RALGAPB: variants seen among roughly 807,000 people sequenced by gnomAD.
The protein encoded by RALGAPB is Ral GTPase activating protein non-catalytic subunit beta.
RALGAPB carries 25 observed loss-of-function variants against 161.1 expected under a neutral mutation model. The ratio of observed to expected loss-of-function variants is 0.16; its 90% CI spans 0.11 to 0.22. The LOEUF (loss-of-function observed/expected upper bound fraction) is 0.22, where lower values mean the gene tolerates loss of function less well. Among genes scored for constraint, RALGAPB ranks in the 10% least tolerant of loss-of-function variants. The probability of loss-of-function intolerance (pLI) is 1.00; values close to 1 mark genes in which losing one functional copy is unlikely to be tolerated. For missense variants in RALGAPB, 1,391 were observed against 1,815.2 expected (o/e 0.77, Z 4.25); for synonymous variants, 629 against 626.1 (o/e 1.00, Z -0.07).
chr20:38,566,975 C>T (rs1353723835), intron 25 of RALGAPB, 121 bp from the exon 26 acceptor site: 4 of 1,434,366 alleles, frequency 2.8e-6, no homozygotes, highest in Non-Finnish European at 3.7e-6. Context: ...TCAGCCCTTG[C>T]TCTCGAAGCA....
At chr20:38,530,023 T>C (rs942772478) in intron 13 of RALGAPB, among the ~76,000 whole-genome samples, 3 of 152,194 alleles carry the variant, frequency 2.0e-5, no homozygotes, top group African/African-American at 7.2e-5. Context: ...TTTTCTCTGC[T>C]TCTTGGGAGC....
At chr20:38,520,268 T>C (rs1463979004) in intron 9 of RALGAPB, 3 of 876,170 alleles carry the variant, frequency 3.4e-6, no homozygotes, top group Non-Finnish European at 4.1e-6. Context: ...TTCTTTCTTA[T>C]AAATCTTGTA....
rs766242170 is a variant in RALGAPB, at chr20:38,541,226, G to C, written c.2714+34G>C. 1.9e-6 allele frequency: 3 copies of C among 1,606,966 alleles called. No homozygotes were observed. In the African/African-American group the frequency reaches 4.0e-5, roughly 21 times the overall value. On this transcript the variant is annotated intron_variant, in intron 18 of 29. Coordinates refer to ENST00000262879, the MANE Select transcript of RALGAPB (RefSeq NM_020336.4). The stretch of plus-strand genomic sequence containing the variant: ...GTGACCGCACAGGGATTGTGCCTAG[G>C]AATTAGATGGGGTTAGCAGTGATCC...
At chr20:38,517,368 T>G (rs1218816702) in intron 7 of RALGAPB, 138 bp from the exon 8 acceptor site, 3 of 720,372 alleles carry the variant, frequency 4.2e-6, no homozygotes, top group Non-Finnish European at 6.3e-6. Context: ...AAATAGTGAG[T>G]AGATACTGAG....
In RALGAPB at chr20:38,558,467, ATTTT is replaced by A; in HGVS notation, c.3531+23_3531+26del. The A allele has an allele frequency of 8.0e-7, 1 of 1,257,424 alleles. No homozygotes were observed. Among genetic ancestry groups the A allele is most frequent in the South Asian group, 1.5e-5 (1 of 65,474 alleles). 77.9% of individuals were successfully genotyped at this position (1,257,424 alleles called of 1,614,324 possible). On this transcript the variant is annotated intron_variant, in intron 23 of 29. Coordinates refer to ENST00000262879, the MANE Select transcript of RALGAPB (RefSeq NM_020336.4). Reference sequence around the variant, plus strand: ...ACGAACCAAGAGGTAAGAGTTACGAATTTTTTTTTTTTGGTATGTTTTTGTGCTA... The same window carrying A: ...ACGAACCAAGAGGTAAGAGTTACGAATTTTTTTTGGTATGTTTTTGTGCTA...
At chr20:38,512,824 A>G (rs2086001357) in intron 6 of RALGAPB, among the ~76,000 whole-genome samples, 1 of 152,086 alleles carries the variant, frequency 6.6e-6, no homozygotes. Flanking sequence ...CAGTGGCGCA[A>G]TCTCTGCTCA....
Position 38,490,916 on chromosome 20 carries a change from A to C in RALGAPB, c.187-2014A>C, listed in dbSNP as rs1378629227. Among the ~76,000 whole-genome samples the C allele has an allele frequency of 3.9e-5, 6 of 152,336 alleles. No individual in the cohort carries two copies. The East Asian group carries it at 1.2e-3, about 29-fold the overall frequency. ...GTCCTTGGCCTCCCAAAGTGCTGGG[A>C]TTACGGTTGTGGGCCACTACGCCTG... is the stretch of plus-strand genomic sequence containing the variant. On this transcript the variant is annotated intron_variant, in intron 2 of 29. Coordinates refer to ENST00000262879, the MANE Select transcript of RALGAPB (RefSeq NM_020336.4).
At chr20:38,523,259 A>G (rs993811018) in intron 10 of RALGAPB, among the ~76,000 whole-genome samples, 1 of 152,168 alleles carries the variant, frequency 6.6e-6, no homozygotes, top group African/African-American at 2.4e-5. Flanking sequence ...AGGAGGATCT[A>G]ATTAATCTGC....
intron 24 of RALGAPB, among the ~76,000 whole-genome samples, chr20:38,565,144 A>C (rs1381420720): frequency 6.6e-6 from 1 of 152,192 alleles, no homozygotes. Flanking sequence ...TCTGATATAC[A>C]GTCGTTTCAG....
In RALGAPB at chr20:38,492,967, C is replaced by G. The variant is rs1254026699; in HGVS notation, c.224C>G (p.Thr75Ser). Residue 75 changes from threonine to serine, a missense_variant, in exon 3 of 30, where the codon ACC (threonine) becomes AGC (serine). Thr to Ser is a moderately conservative substitution (Grantham distance 58). Around this residue, in one of 3 missense-constraint regions of RALGAPB, gnomAD observed 946 missense variants for 1,257.2 expected, o/e 0.75. Transcript: ENST00000262879. Reference protein sequence around the residue: ...WTMEVICYGLTLPLDGETVKY... With the variant: ...WTMEVICYGLSLPLDGETVKY... Reference sequence around the variant, plus strand: ...ATGGAAGTAATTTGCTATGGACTGACCCTTCCATTGGATGGAGAGACTGTA... The same window carrying G: ...ATGGAAGTAATTTGCTATGGACTGAGCCTTCCATTGGATGGAGAGACTGTA... 6.2e-7 allele frequency: 1 copy of G among 1,612,412 alleles called. No individual in the cohort carries two copies. Among genetic ancestry groups the G allele is most frequent in the Non-Finnish European group, 8.5e-7 (1 of 1,178,594 alleles).
intron 6 of RALGAPB, among the ~76,000 whole-genome samples, chr20:38,514,561 T>G (rs1410624887): frequency 6.6e-6 from 1 of 152,242 alleles, no homozygotes; most frequent in Non-Finnish European, 1.5e-5. Flanking sequence ...TGAGGATTTT[T>G]TATGATTGTG....
At position 38,510,131 on chromosome 20, in the gene RALGAPB, T is replaced by TACAC. The variant is rs34759480; in HGVS notation, c.872+955_872+958dup. On this transcript the variant is annotated intron_variant, in intron 6 of 29. Coordinates refer to ENST00000262879, the MANE Select transcript of RALGAPB (RefSeq NM_020336.4). ...ATGTATATAAACACACACACGCACA[T>TACAC]ACACACACACACACACACACACACA... Among the ~76,000 whole-genome samples, 461 of 146,270 alleles carry TACAC rather than the reference T, an allele frequency of 3.2e-3. 1 individual carries two copies. Among genetic ancestry groups the TACAC allele is most frequent in the Non-Finnish European group, 4.6e-3 (301 of 65,678 alleles).
At chr20:38,515,977 T>G (rs1462349020) in intron 6 of RALGAPB, among the ~76,000 whole-genome samples, 1 of 152,244 alleles carries the variant, frequency 6.6e-6, no homozygotes, top group Non-Finnish European at 1.5e-5. Flanking sequence ...CTTACTTTGA[T>G]TCTCATGCTT....
intron 5 of RALGAPB, among the ~76,000 whole-genome samples, chr20:38,505,912 C>T (rs1035907372): frequency 1.3e-5 from 2 of 151,968 alleles, no homozygotes; most frequent in African/African-American, 4.8e-5. Context: ...TCTTTAATAC[C>T]GGTTAGCTAG....
intron 14 of RALGAPB, among the ~76,000 whole-genome samples, chr20:38,532,197 A>G (rs2086675144): frequency 6.6e-6 from 1 of 152,130 alleles, no homozygotes; most frequent in South Asian, 2.1e-4. Context: ...CTGGGACTAC[A>G]GGCGCCTGCC....
chr20:38,517,492 T>C lies in RALGAPB; in HGVS notation c.1052-14T>C. 1 of 1,542,648 alleles carries C rather than the reference T, an allele frequency of 6.5e-7. No homozygotes were observed. Among genetic ancestry groups the C allele is most frequent in the Non-Finnish European group, 8.7e-7 (1 of 1,150,026 alleles). ...ATGAAGAATAATTTCATTTGTCTTTTTTTTTTTTTTAAGGTATTTCTAGAC... is the reference window on the plus strand; with the variant it reads ...ATGAAGAATAATTTCATTTGTCTTTCTTTTTTTTTTAAGGTATTTCTAGAC... On this transcript the variant is annotated splice_polypyrimidine_tract_variant and intron_variant, in intron 7 of 29. Coordinates refer to ENST00000262879, the MANE Select transcript of RALGAPB (RefSeq NM_020336.4).
At chr20:38,539,650 A>G (rs1315398505) in intron 16 of RALGAPB, 126 bp from the exon 17 acceptor site, 1 of 780,840 alleles carries the variant, frequency 1.3e-6, no homozygotes, top group Non-Finnish European at 2.0e-6. Flanking sequence ...TATAAATAAT[A>G]TAAAAAAGCA....
At chr20:38,509,294 C>T (rs2085863236) in intron 6 of RALGAPB, 86 bp downstream of exon 6, 2 of 1,421,324 alleles carry the variant, frequency 1.4e-6, no homozygotes, top group Non-Finnish European at 2.0e-6. Flanking sequence ...TGTTTGAATT[C>T]AGAAGGTGGA....
intron 25 of RALGAPB, among the ~76,000 whole-genome samples, chr20:38,566,836 T>C (rs1378214772): frequency 1.3e-5 from 2 of 152,248 alleles, no homozygotes; most frequent in East Asian, 3.8e-4. Context: ...ACAAGCCAAA[T>C]GCCGCCAAGA....
Sources: allele counts gnomAD v4.1 joint callset (sites outside exome capture counted in the v4.1 genomes callset), GRCh38; gene constraint gnomAD v4.1.1; regional missense constraint gnomAD v4.1.1; transcripts MANE v1.5; gene names NCBI Gene and HGNC (gene_info 2026-07-23, HGNC 2026-07-21).